The following TEX36 variants were observed in gnomAD, a reference collection of about 807,000 sequenced individuals.
TEX36 encodes testis expressed 36.
A neutral mutation model predicts 13.6 loss-of-function variants in TEX36; 12 were observed. The ratio of observed to expected loss-of-function variants is 0.88; its 90% CI spans 0.56 to 1.43. TEX36 has a LOEUF of 1.43. Ranked by LOEUF, TEX36 falls within the 40% of genes most tolerant of loss-of-function variation. The pLI is 0.00. For synonymous variants in TEX36, 93 were observed against 83.0 expected (o/e 1.12, Z -0.65); for missense variants, 224 against 228.3 (o/e 0.98, Z 0.12).
At chr10:125,607,226 C>T (rs1846225970) in intron 3 of TEX36, among the ~76,000 whole-genome samples, 1 of 152,206 alleles carries the variant, frequency 6.6e-6, no homozygotes, top group Admixed American at 6.5e-5. Flanking sequence ...CAGCACACTT[C>T]CTTCCAAAGC....
rs111851228 is a variant in TEX36 at position 125,584,796 on chromosome 10, A to G, written c.265-7922T>C. ...ACCAGAAACCAACTGTGACTTCCAA[A>G]GGGCAGAAATGTGAGAAAATACATT... On this transcript the variant is annotated intron_variant, in intron 3 of 3. Coordinates refer to the TEX36 transcript ENST00000532135. Among the ~76,000 whole-genome samples the G allele has an allele frequency of 4.9e-3, 742 of 152,324 alleles. 12 individuals carry two copies. The highest frequency in any genetic ancestry group is 0.017 in the African/African-American group (686 of 41,544).
rs35078105 is a variant in TEX36, at chr10:125,586,635, C to CAAA, written c.265-9764_265-9762dup. Among the ~76,000 whole-genome samples, 261 of 113,758 alleles carry CAAA rather than the reference C, an allele frequency of 2.3e-3. 8 individuals carry two copies. The highest frequency in any genetic ancestry group is 3.2e-3 in the African/African-American group (89 of 27,654). 74.6% of individuals were successfully genotyped at this position (113,758 alleles called of 152,430 possible). A position where few individuals can be genotyped will look rare whatever the true frequency, so the allele number is the denominator to read the frequency against. ...TGAAACTCCGTCTCTACTAAAAATC[C>CAAA]AAAAAAAAAAAAAAAAAAAAAATTA... is the stretch of plus-strand genomic sequence containing the variant. On this transcript the variant is annotated intron_variant, in intron 3 of 3. Transcript: ENST00000532135.
At chr10:125,609,336 T>C (rs955178196) in intron 3 of TEX36, among the ~76,000 whole-genome samples, 2 of 152,164 alleles carry the variant, frequency 1.3e-5, no homozygotes, top group Non-Finnish European at 2.9e-5. Flanking sequence ...CTGAGTTCAG[T>C]GTCTTCAGAT....
At chr10:125,579,595 C>A (rs1236924258) in intron 3 of TEX36, among the ~76,000 whole-genome samples, 1 of 152,154 alleles carries the variant, frequency 6.6e-6, no homozygotes, top group African/African-American at 2.4e-5. Flanking sequence ...TGTCCCTGCC[C>A]AAATTTCATG....
intron 1 of TEX36, among the ~76,000 whole-genome samples, chr10:125,675,620 C>G (rs1036860707): frequency 1.3e-5 from 2 of 152,200 alleles, no homozygotes; most frequent in Admixed American, 1.3e-4. Flanking sequence ...CACTCACCAC[C>G]CTTCTTGGCT....
At chr10:125,650,839 C>G (rs1012108390), downstream of TEX36, among the ~76,000 whole-genome samples, 3 of 152,180 alleles carry the variant, frequency 2.0e-5, no homozygotes, top group Non-Finnish European at 4.4e-5. Context: ...CACAGGAATA[C>G]AAACTGCCAT....
intron 3 of TEX36, among the ~76,000 whole-genome samples, chr10:125,656,731 C>T (rs1411746728): frequency 1.3e-5 from 2 of 152,134 alleles, no homozygotes; most frequent in Non-Finnish European, 2.9e-5. Context: ...TCTTCTGGTG[C>T]CACCAAGGGG....
At chr10:125,646,430 G>A (rs1027603172) in intron 3 of TEX36, among the ~76,000 whole-genome samples, 1 of 152,214 alleles carries the variant, frequency 6.6e-6, no homozygotes, top group Non-Finnish European at 1.5e-5. Context: ...TCTATGTACA[G>A]TGGCATTCTG....
intron 3 of TEX36, among the ~76,000 whole-genome samples, chr10:125,630,610 T>A (rs1036877428): frequency 6.6e-6 from 1 of 152,170 alleles, no homozygotes; most frequent in Non-Finnish European, 1.5e-5. Flanking sequence ...GGGAGGGGAC[T>A]GCCTAAGGAC....
intron 3 of TEX36, among the ~76,000 whole-genome samples, chr10:125,634,758 C>T (rs1241715948): frequency 6.6e-6 from 1 of 152,156 alleles, no homozygotes; most frequent in African/African-American, 2.4e-5. Flanking sequence ...TAGCGGTTGG[C>T]TGTGCTGAAA....
chr10:125,626,521 C>T (rs889316372), intron 3 of TEX36, among the ~76,000 whole-genome samples: 5 of 152,232 alleles, frequency 3.3e-5, no homozygotes, highest in African/African-American at 1.2e-4. Flanking sequence ...TGAATGCTTG[C>T]TCCACACAGA....
In TEX36 at chr10:125,659,243, T is replaced by C. The variant is rs532831795; in HGVS notation, c.264+1778A>G. ...ATGTTATATAAGCTATTCCAGAACA[T>C]AGAGAAAGTTGGAAAGCTTCCAAGG... On this transcript the variant is annotated intron_variant, in intron 3 of 3. Transcript: ENST00000368821. Among the ~76,000 whole-genome samples the C allele has an allele frequency of 2.9e-3, 437 of 152,306 alleles. 3 individuals are homozygous for C. Among genetic ancestry groups the C allele is most frequent in the African/African-American group, 1.0e-2 (415 of 41,578 alleles).
chr10:125,596,710 C>T (rs1846084750), intron 3 of TEX36, among the ~76,000 whole-genome samples: 1 of 152,192 alleles, frequency 6.6e-6, no homozygotes, highest in South Asian at 2.1e-4. Flanking sequence ...AAGGAAATCT[C>T]AGTAGATGCT....
In TEX36 at chr10:125,682,880, G is replaced by A. The variant is rs1847418089; in HGVS notation, c.51+59C>T. The A allele has an allele frequency of 2.6e-6, 4 of 1,533,942 alleles. No individual in the cohort carries two copies. The African/African-American group carries it at 5.5e-5, about 21-fold the overall frequency. On this transcript the variant is annotated intron_variant, in intron 1 of 3. Transcript: ENST00000368821. ...GTAGAAGCAGGATTGGAACTCCTCA[G>A]ACTGTTGACCACACCCACGTGGCAT...
At chr10:125,590,122 T>G (rs1174889058) in intron 3 of TEX36, among the ~76,000 whole-genome samples, 1 of 152,144 alleles carries the variant, frequency 6.6e-6, no homozygotes, top group Non-Finnish European at 1.5e-5. Flanking sequence ...ACTTTTTTTT[T>G]GTTTTAATTT....
downstream of TEX36, among the ~76,000 whole-genome samples, chr10:125,651,637 T>C (rs1846861605): frequency 6.6e-6 from 1 of 152,160 alleles, no homozygotes; most frequent in African/African-American, 2.4e-5. Flanking sequence ...GTGTTGGAAG[T>C]TCTGGCCAGG....
rs1189693046 is a variant in TEX36, at chr10:125,655,976, T to C, written c.485A>G (p.Tyr162Cys). 3.2e-6 allele frequency: 5 copies of C among 1,551,738 alleles called. No homozygotes were observed. Among genetic ancestry groups the C allele is most frequent in the Admixed American group, 3.9e-5 (2 of 50,996 alleles). Residue 162 changes from tyrosine (Y) to cysteine (C), a missense_variant, in exon 4 of 4, where the codon TAT becomes TGT. Transcript: ENST00000368821. The stretch of plus-strand genomic sequence containing the variant: ...GGGCTTCTTTTTCAAAACCTCTGTA[T>C]AGCTTCTCTCAGGAAGAAATGTAAA... ...NAFTFLPERS[Y>C]TEVLKKKPKV...
In TEX36 at chr10:125,661,980, G is replaced by A. The variant is rs368590911; in HGVS notation, c.52-3C>T. On this transcript the variant is annotated splice_region_variant and splice_polypyrimidine_tract_variant and intron_variant, in intron 1 of 3. Transcript: ENST00000368821. ...TGCGTTAGCCCGATGTGAGGGAACT[G>A]GAAGAACAGCACACGCCTTGATTAA... 7.6e-5 allele frequency: 118 copies of A among 1,552,268 alleles called. No homozygotes were observed. Among genetic ancestry groups the A allele is most frequent in the Non-Finnish European group, 9.6e-6 (11 of 1,147,134 alleles).
chr10:125,626,067 G>T (rs143698326), intron 3 of TEX36, among the ~76,000 whole-genome samples: 128 of 152,336 alleles, frequency 8.4e-4, no homozygotes, highest in African/African-American at 2.4e-3. Context: ...AGGTGATAAA[G>T]GTCAGGCCAT....
Sources: allele counts gnomAD v4.1 joint callset (sites outside exome capture counted in the v4.1 genomes callset), GRCh38; gene constraint gnomAD v4.1.1; transcripts MANE v1.5; gene names NCBI Gene and HGNC (gene_info 2026-07-23, HGNC 2026-07-21).